The following COMMD1 variants were observed in gnomAD, a reference collection of about 807,000 sequenced individuals.
COMMD1 encodes copper metabolism domain containing 1.
In COMMD1, 10 loss-of-function variants were observed where a neutral mutation model predicts 17.2. The ratio of observed to expected loss-of-function variants is 0.58; its 90% CI spans 0.36 to 0.99. COMMD1 has a LOEUF of 0.99. Ranked by LOEUF, COMMD1 falls within the 50% of genes least tolerant of loss-of-function variation. COMMD1 has a pLI of 0.01. For missense variants in COMMD1, 270 were observed against 231.8 expected, an observed-to-expected ratio of 1.17 and a Z score of -1.07; for synonymous variants, 97 against 91.6, an observed-to-expected ratio of 1.06 and a Z score of -0.34.
chr2:62,063,588 A>G (rs72803333), intron 2 of COMMD1, among the ~76,000 whole-genome samples: 1 of 152,162 alleles, frequency 6.6e-6, no homozygotes, highest in South Asian at 2.1e-4. Context: ...TTCTTAGAGT[A>G]GCGTTGCTAC....
At chr2:62,133,661 T>G (rs1053593329) in intron 2 of COMMD1, among the ~76,000 whole-genome samples, 3 of 151,936 alleles carry the variant, frequency 2.0e-5, no homozygotes, top group Non-Finnish European at 4.4e-5. Flanking sequence ...GGAAGAAGGG[T>G]TTGGTCTTCT....
intron 1 of COMMD1, among the ~76,000 whole-genome samples, chr2:61,979,137 G>A (rs1454653011): frequency 2.0e-5 from 3 of 151,880 alleles, no homozygotes; most frequent in Non-Finnish European, 4.4e-5. Context: ...CCAGCCTCTG[G>A]TAACCATCTG....
intron 1 of COMMD1, among the ~76,000 whole-genome samples, chr2:61,964,905 G>A (rs908922561): frequency 6.6e-6 from 1 of 152,062 alleles, no homozygotes; most frequent in African/African-American, 2.4e-5. Flanking sequence ...GCATGGTGCT[G>A]CATGCCTGTA....
chr2:62,050,473 T>A (rs1250292841), intron 2 of COMMD1, among the ~76,000 whole-genome samples: 1 of 152,216 alleles, frequency 6.6e-6, no homozygotes, highest in East Asian at 1.9e-4. Context: ...CTGTATGCAT[T>A]ATACAACTTT....
At chr2:61,891,638 G>C (rs1052538364) in intron 1 of COMMD1, among the ~76,000 whole-genome samples, 3 of 151,748 alleles carry the variant, frequency 2.0e-5, no homozygotes, top group African/African-American at 7.3e-5. Context: ...TGAGGCAGGA[G>C]AATCACTTGA....
intron 2 of COMMD1, among the ~76,000 whole-genome samples, chr2:62,054,354 G>T (rs368761912): frequency 6.6e-6 from 1 of 152,040 alleles, no homozygotes; most frequent in Admixed American, 6.6e-5. Flanking sequence ...GTATCTAACC[G>T]CCAGAAAAGA....
At chr2:61,923,697 GA>G (rs1670253811) in intron 1 of COMMD1, among the ~76,000 whole-genome samples, 2 of 152,182 alleles carry the variant, frequency 1.3e-5, no homozygotes, top group African/African-American at 4.8e-5. Flanking sequence ...ATTTTGTGGT[GA>G]GCAGGGAGCC....
At chr2:61,935,798 C>T (rs1031835820) in intron 1 of COMMD1, among the ~76,000 whole-genome samples, 12 of 151,948 alleles carry the variant, frequency 7.9e-5, no homozygotes, top group African/African-American at 2.9e-4. Flanking sequence ...GATAATTGGA[C>T]ATATGCTTGA....
upstream of COMMD1, among the ~76,000 whole-genome samples, chr2:61,903,247 C>A (rs1290091555): frequency 6.6e-6 from 1 of 151,948 alleles, no homozygotes; most frequent in African/African-American, 2.4e-5. Flanking sequence ...AGTTTGAGAC[C>A]AGCCTGGCCA....
In COMMD1 at chr2:61,897,335, TA is replaced by T. The variant is rs1157382031; in HGVS notation, n.119+8494del. ...AAACTGCTTCTTTGGGTCATTTCCT[TA>T]TGAAGGCTCCTGTGTCATGTAAAAC... is the stretch of plus-strand genomic sequence containing the variant. On this transcript the variant is annotated intron_variant and non_coding_transcript_variant, in intron 1 of 2. Coordinates refer to the COMMD1 transcript ENST00000472729. Among the ~76,000 whole-genome samples, 10 of 152,326 alleles carry T rather than the reference TA, an allele frequency of 6.6e-5. No individual in the cohort carries two copies. In the East Asian group the frequency reaches 1.9e-3, roughly 29 times the overall value.
chr2:62,012,930 A>C (rs1452721541), intron 2 of COMMD1, among the ~76,000 whole-genome samples: 1 of 152,172 alleles, frequency 6.6e-6, no homozygotes, highest in Non-Finnish European at 1.5e-5. Context: ...TTGAATGACA[A>C]GAAGGAGGCA....
At position 61,963,198 on chromosome 2, in the gene COMMD1, C is replaced by T. The variant is rs1254248837; in HGVS notation, c.181-37503C>T. Among the ~76,000 whole-genome samples the T allele has an allele frequency of 3.8e-3, 554 of 144,188 alleles. 5 individuals carry two copies. The highest frequency in any genetic ancestry group is 0.014 in the African/African-American group (507 of 37,180). The allele number at this position is 144,188 out of a possible 152,430, so 94.6% of individuals were successfully genotyped here. ...TATATATATATATTATATACACACA[C>T]ACACACACACACACACACACACATA... On this transcript the variant is annotated intron_variant, in intron 1 of 2. Coordinates refer to ENST00000311832, the MANE Select transcript of COMMD1 (RefSeq NM_152516.4).
intron 2 of COMMD1, among the ~76,000 whole-genome samples, chr2:62,066,063 C>T (rs532389049): frequency 1.3e-5 from 2 of 152,126 alleles, no homozygotes; most frequent in African/African-American, 2.4e-5. Flanking sequence ...GCTGATTTTA[C>T]GCAGTGAAAC....
At chr2:61,972,912 C>T (rs1457894095) in intron 1 of COMMD1, among the ~76,000 whole-genome samples, 2 of 152,118 alleles carry the variant, frequency 1.3e-5, no homozygotes, top group South Asian at 4.1e-4. Flanking sequence ...CTCAAGTGAT[C>T]CGCCCGCTTC....
At chr2:61,937,237 C>T (rs932960006) in intron 1 of COMMD1, among the ~76,000 whole-genome samples, 1 of 152,082 alleles carries the variant, frequency 6.6e-6, no homozygotes, top group African/African-American at 2.4e-5. Flanking sequence ...TGATGATTAC[C>T]CCCACTTCAC....
intron 2 of COMMD1, among the ~76,000 whole-genome samples, chr2:62,045,710 T>C (rs1247431020): frequency 6.7e-6 from 1 of 148,452 alleles, no homozygotes; most frequent in Non-Finnish European, 1.5e-5. Context: ...CCTCCTATTA[T>C]CATCTTTACT....
intron 2 of COMMD1, among the ~76,000 whole-genome samples, chr2:62,035,179 A>G (rs1670005511): frequency 6.6e-6 from 1 of 152,212 alleles, no homozygotes; most frequent in Admixed American, 6.5e-5. Context: ...GTTTAACTGA[A>G]TAGTATTATT....
intron 2 of COMMD1, among the ~76,000 whole-genome samples, chr2:62,085,836 C>T (rs1385689135): frequency 6.6e-6 from 1 of 151,744 alleles, no homozygotes; most frequent in African/African-American, 2.4e-5. Context: ...AAAAAATTAG[C>T]GGGGCATGGT....
intron 1 of COMMD1, among the ~76,000 whole-genome samples, chr2:61,987,959 A>G (rs113956261): frequency 6.6e-6 from 1 of 152,268 alleles, no homozygotes; most frequent in African/African-American, 2.4e-5. Flanking sequence ...GCCACCATCA[A>G]AGGCCCATAG....
Sources: gnomAD v4.1 joint callset for allele counts (sites outside exome capture counted in the v4.1 genomes callset) on GRCh38, gnomAD v4.1.1 for gene constraint, MANE v1.5 for transcripts, NCBI Gene and HGNC (gene_info 2026-07-23, HGNC 2026-07-21) for gene names.